Variants in GABRR1 observed in about 807,000 individuals in gnomAD.
The protein encoded by GABRR1 is gamma-aminobutyric acid receptor subunit rho-1.
Under a neutral mutation model 55.5 loss-of-function variants are expected in GABRR1, and 59 were observed. The observed-to-expected ratio is 1.06, with a 90% CI of 0.86 to 1.32. The LOEUF is 1.32. Among genes scored for constraint, GABRR1 ranks in the 40% most tolerant of loss-of-function variants. GABRR1 has a pLI of 0.00. For missense variants in GABRR1, 602 were observed against 619.1 expected (o/e 0.97, Z 0.29); for synonymous variants, 213 against 226.0 (o/e 0.94, Z 0.51).
rs776531004 is a variant in GABRR1, at chr6:89,203,420, T to C, written c.173+15A>G. 6.2e-7 allele frequency: 1 copy of C among 1,611,122 alleles called. No homozygotes were observed. Among genetic ancestry groups the C allele is most frequent in the South Asian group, 1.1e-5 (1 of 91,004 alleles). On this transcript the variant is annotated intron_variant, in intron 2 of 9. Coordinates refer to ENST00000454853, the MANE Select transcript of GABRR1 (RefSeq NM_002042.5). Reference sequence around the variant, plus strand: ...AAACATCTGCAGAACAGTGTGCACGTGCTTATGGCCATACCTGACTTGCTT... The same window carrying C: ...AAACATCTGCAGAACAGTGTGCACGCGCTTATGGCCATACCTGACTTGCTT...
chr6:89,196,829 A>AAGAAAGAAAGAAAGAAAG (rs1772297317), intron 5 of GABRR1, among the ~76,000 whole-genome samples: 1 of 90,386 alleles, frequency 1.1e-5, no homozygotes, highest in African/African-American at 4.8e-5. Flanking sequence ...GAAGGAAAGA[A>AAGAAAGAAAGAAAGAAAG]AGAAAGAAAG....
At chr6:89,203,730 A>G (rs1326909420) in intron 1 of GABRR1, among the ~76,000 whole-genome samples, 1 of 152,132 alleles carries the variant, frequency 6.6e-6, no homozygotes, top group Non-Finnish European at 1.5e-5. Context: ...GAGCTAAAAT[A>G]TCTCCCCCAC....
In GABRR1 at chr6:89,197,746, ATTTC is replaced by A. The variant is rs565295417; in HGVS notation, c.572+270_572+273del. ...GTAAGTCCTTGAGAACACATTATCT[ATTTC>A]TCTGACTCCTACTAGAGAAATAAAC... is the stretch of plus-strand genomic sequence containing the variant. On this transcript the variant is annotated intron_variant, in intron 5 of 9. Transcript: ENST00000454853. Among the ~76,000 whole-genome samples, 731 of 152,346 alleles carry A rather than the reference ATTTC, an allele frequency of 4.8e-3. 3 individuals carry two copies. Among genetic ancestry groups the A allele is most frequent in the Non-Finnish European group, 8.3e-3 (564 of 68,024 alleles).
At position 89,182,072 on chromosome 6, in the gene GABRR1, A is replaced by G. The variant is rs763128015; in HGVS notation, c.797-15T>C. Reference sequence around the variant, plus strand: ...GTTGTACCAGCCTGGGGGACACAGGAATAAAAGACAGTACACATCATGGCT... The same window carrying G: ...GTTGTACCAGCCTGGGGGACACAGGGATAAAAGACAGTACACATCATGGCT... On this transcript the variant is annotated splice_polypyrimidine_tract_variant and intron_variant, in intron 7 of 9. Coordinates refer to ENST00000454853, the MANE Select transcript of GABRR1 (RefSeq NM_002042.5). The G allele has an allele frequency of 9.3e-6, 15 of 1,613,730 alleles. No individual in the cohort carries two copies. Among genetic ancestry groups the G allele is most frequent in the Non-Finnish European group, 1.3e-5 (15 of 1,179,746 alleles).
At position 89,181,919 on chromosome 6, in the gene GABRR1, G is replaced by A; in HGVS notation, c.935C>T (p.Ala312Val). ...GTATTCCTTACCTAAGGGGACTCTG[G>A]CAGGCACGGCTCTGCGGTCGATCCA... ...SFWIDRRAVP[A>V]RVPLGITTVL... Residue 312 changes from alanine to valine, a missense_variant, in exon 8 of 10, where the codon GCC becomes GTC. By Grantham distance (64) the Ala-to-Val change is moderately conservative. Transcript: ENST00000454853. The A allele has an allele frequency of 6.2e-7, 1 of 1,612,766 alleles. No homozygotes were observed. The highest frequency in any genetic ancestry group is 1.1e-5 in the South Asian group (1 of 90,826).
In GABRR1 at chr6:89,178,683, T is replaced by TA. The variant is rs775298468; in HGVS notation, c.*86dup. 1.6e-4 allele frequency: 192 copies of TA among 1,228,316 alleles called. No homozygotes were observed. Among genetic ancestry groups the TA allele is most frequent in the Non-Finnish European group, 2.1e-4 (182 of 879,636 alleles). 76.1% of individuals were successfully genotyped at this position (1,228,316 alleles called of 1,614,324 possible). On this transcript the variant is annotated 3_prime_UTR_variant, in exon 10 of 10. Transcript: ENST00000454853. ...ATGGGTGGGTCCTGGGATTTTTTTT[T>TA]AACCATATCCTTAAATACTTTTTCA...
Position 89,217,279 on chromosome 6 carries a change from C to T in GABRR1, c.44G>A (p.Trp15Ter), listed in dbSNP as rs758454717. 6.2e-7 allele frequency: 1 copy of T among 1,614,128 alleles called. No individual in the cohort carries two copies. The highest frequency in any genetic ancestry group is 2.2e-5 in the East Asian group (1 of 44,876). Reference sequence around the variant, plus strand: ...TTCAGTGGCCAAAACCCATCCCCACCACAAAAGAAAGATGCCAAATCTCAT... The same window carrying T: ...TTCAGTGGCCAAAACCCATCCCCACTACAAAAGAAAGATGCCAAATCTCAT... ...PNMRFGIFLL[W>*]WGWVLATESR... Residue 15 changes from tryptophan to a stop codon, truncating the protein, a stop_gained, in exon 1 of 10, where the codon TGG becomes TAG. Transcript: ENST00000454853. LOFTEE classifies it high-confidence loss of function.
In GABRR1 at chr6:89,182,046, G is replaced by GGTT; in HGVS notation, c.805_807dup (p.Asn269dup). 1.9e-6 allele frequency: 3 copies of GGTT among 1,613,980 alleles called. No homozygotes were observed. Among genetic ancestry groups the GGTT allele is most frequent in the Non-Finnish European group, 2.5e-6 (3 of 1,179,944 alleles). On this transcript the variant is annotated inframe_insertion, in exon 8 of 10. Transcript: ENST00000454853. ...CGCAACGTGAAATTAATGTAGAGAC[G>GGTT]GTTGTACCAGCCTGGGGGACACAGG...
chr6:89,192,572 T>C lies in GABRR1; in HGVS notation c.573-2325A>G, dbSNP rs185188844. Among the ~76,000 whole-genome samples the C allele has an allele frequency of 7.4e-3, 1,113 of 150,258 alleles. 15 individuals are homozygous for C. The highest frequency in any genetic ancestry group is 0.026 in the African/African-American group (1,065 of 40,952). On this transcript the variant is annotated intron_variant, in intron 5 of 9. Transcript: ENST00000454853. ...CTCTTCTTCTTCTTCTTCTTTTTTTTTTTTTTTTTTGAGACAGTCTCGCTC... is the reference window on the plus strand; with the variant it reads ...CTCTTCTTCTTCTTCTTCTTTTTTTCTTTTTTTTTTGAGACAGTCTCGCTC...
At chr6:89,206,552 T>C (rs910922040) in intron 1 of GABRR1, among the ~76,000 whole-genome samples, 2 of 152,150 alleles carry the variant, frequency 1.3e-5, no homozygotes, top group Admixed American at 1.3e-4. Context: ...CACCGTGCTA[T>C]TGTGGTGATA....
At position 89,199,539 on chromosome 6, in the gene GABRR1, T is replaced by C. The variant is rs572439298; in HGVS notation, c.281-110A>G. The stretch of plus-strand genomic sequence containing the variant: ...TGGAACCTCAATGTCATATCAGATT[T>C]GGAGGTTTGGTCATGGCAACCTGAA... On this transcript the variant is annotated intron_variant, in intron 3 of 9. Coordinates refer to ENST00000454853, the MANE Select transcript of GABRR1 (RefSeq NM_002042.5). 1.8e-5 allele frequency: 18 copies of C among 1,023,596 alleles called. No individual in the cohort carries two copies. In the East Asian group the frequency reaches 4.5e-4, roughly 25 times the overall value. The allele number at this position is 1,023,596 out of a possible 1,614,324, so 63.4% of individuals were successfully genotyped here.
At chr6:89,209,621 G>A (rs1334645277) in intron 1 of GABRR1, among the ~76,000 whole-genome samples, 1 of 152,076 alleles carries the variant, frequency 6.6e-6, no homozygotes, top group African/African-American at 2.4e-5. Flanking sequence ...GCCTTCAACA[G>A]GGGTGAGTCA....
chr6:89,210,589 G>T (rs1244916556), intron 1 of GABRR1, among the ~76,000 whole-genome samples: 3 of 152,292 alleles, frequency 2.0e-5, no homozygotes, highest in East Asian at 1.9e-4. Flanking sequence ...GGAGGAGCAG[G>T]TCTATTTTGC....
At chr6:89,180,696 T>G (rs1771691061) in intron 8 of GABRR1, among the ~76,000 whole-genome samples, 1 of 152,154 alleles carries the variant, frequency 6.6e-6, no homozygotes, top group Non-Finnish European at 1.5e-5. Context: ...TCCCTACCCT[T>G]TCGCCCCTCT....
At chr6:89,223,692 C>T (rs1461159268) in intron 1 of GABRR1, among the ~76,000 whole-genome samples, 1 of 147,030 alleles carries the variant, frequency 6.8e-6, no homozygotes, top group East Asian at 1.9e-4. Flanking sequence ...TTCCTTTTCA[C>T]TGCATCCACA....
chr6:89,211,077 C>T (rs1471599790), intron 1 of GABRR1, among the ~76,000 whole-genome samples: 2 of 152,172 alleles, frequency 1.3e-5, no homozygotes, highest in African/African-American at 4.8e-5. Flanking sequence ...CTGCAAGGAG[C>T]AGGGGCAGGT....
Position 89,178,854 on chromosome 6 carries a change from G to A in GABRR1, c.1356C>T (p.Thr452=). 2 of 1,614,090 alleles carry A rather than the reference G, an allele frequency of 1.2e-6. No individual in the cohort carries two copies. Among genetic ancestry groups the A allele is most frequent in the Non-Finnish European group, 1.7e-6 (2 of 1,179,968 alleles). ...RSSYVSMRID[T]HAIDKYSRII... The stretch of plus-strand genomic sequence containing the variant: ...TCCTGGAGTATTTATCAATGGCGTG[G>A]GTGTCGATTCTCATGCTCACATAGC... Residue 452 remains threonine, a synonymous_variant, in exon 10 of 10, where the codon ACC becomes ACT. Coordinates refer to ENST00000454853, the MANE Select transcript of GABRR1 (RefSeq NM_002042.5).
At chr6:89,181,420 G>T (rs1322502599) in intron 8 of GABRR1, among the ~76,000 whole-genome samples, 1 of 152,190 alleles carries the variant, frequency 6.6e-6, no homozygotes, top group Non-Finnish European at 1.5e-5. Flanking sequence ...TCTCAGACTT[G>T]AGTACACAGA....
chr6:89,189,901 C>A (rs1162356953), intron 6 of GABRR1, among the ~76,000 whole-genome samples: 2 of 152,062 alleles, frequency 1.3e-5, no homozygotes, highest in Non-Finnish European at 2.9e-5. Flanking sequence ...AAAAAATTAG[C>A]CAGGCATGGT....
Sources: allele counts gnomAD v4.1 joint callset (sites outside exome capture counted in the v4.1 genomes callset), GRCh38; gene constraint gnomAD v4.1.1; transcripts MANE v1.5; gene names NCBI Gene and HGNC (gene_info 2026-07-23, HGNC 2026-07-21).